The following PITPNM3 variants were observed in gnomAD, a reference collection of about 807,000 sequenced individuals.
PITPNM3 encodes the protein membrane-associated phosphatidylinositol transfer protein 3.
A neutral mutation model predicts 102.0 loss-of-function variants in PITPNM3; 26 were observed. The observed-to-expected ratio is 0.25, with a 90% CI of 0.19 to 0.35. The LOEUF is 0.35. PITPNM3 is among the 10% of genes least tolerant of loss of function. The probability of loss-of-function intolerance (pLI) is 1.00; values close to 1 mark genes in which losing one functional copy is unlikely to be tolerated. For synonymous variants in PITPNM3, 578 were observed against 558.6 expected (o/e 1.03, Z -0.49); for missense variants, 1,083 against 1,346.1 (o/e 0.80, Z 3.06).
rs1319010046 is a variant in PITPNM3, at chr17:6,455,181, G to A, written c.*157C>T. 4.5e-5 allele frequency: 45 copies of A among 998,078 alleles called. No individual in the cohort carries two copies. Among genetic ancestry groups the A allele is most frequent in the Non-Finnish European group, 5.3e-5 (38 of 718,402 alleles). The allele number at this position is 998,078 out of a possible 1,614,324, so 61.8% of individuals were successfully genotyped here. A position where few individuals can be genotyped will look rare whatever the true frequency, so the allele number is the denominator to read the frequency against. The stretch of plus-strand genomic sequence containing the variant: ...GCAGCTCAGGGAGCCCCCCGGGCTC[G>A]GGCAGGATCCCTCCCCGCTCTGGTC... On this transcript the variant is annotated 3_prime_UTR_variant, in exon 20 of 20. Coordinates refer to ENST00000262483, the MANE Select transcript of PITPNM3 (RefSeq NM_031220.4).
chr17:6,508,642 G>A (rs886946427), intron 3 of PITPNM3, among the ~76,000 whole-genome samples: 1 of 152,174 alleles, frequency 6.6e-6, no homozygotes, highest in African/African-American at 2.4e-5. Context: ...GGTGCAGAGA[G>A]GATGCGTCCA....
rs76237639 is a variant in PITPNM3 at position 6,554,489 on chromosome 17, C to T, written c.22+1896G>A. Among the ~76,000 whole-genome samples the T allele has an allele frequency of 8.8e-3, 1,337 of 152,112 alleles. 21 individuals are homozygous for T. The highest frequency in any genetic ancestry group is 0.03 in the African/African-American group (1,258 of 41,480). ...CAGACACGGGGAATCTGTGTTGCCT[C>T]GAGGGAAAGGGCCAAGCGTGAAATT... On this transcript the variant is annotated intron_variant, in intron 1 of 19. Transcript: ENST00000262483.
At chr17:6,519,693 G>A (rs1908400788) in intron 3 of PITPNM3, among the ~76,000 whole-genome samples, 1 of 151,994 alleles carries the variant, frequency 6.6e-6, no homozygotes, top group South Asian at 2.1e-4. Context: ...AGCCAGGCAT[G>A]GTGGCGGGCG....
In PITPNM3 at chr17:6,463,624, G is replaced by C. The variant is rs112452210; in HGVS notation, c.2306+108C>G. The C allele has an allele frequency of 1.2e-3, 1,705 of 1,461,592 alleles. 18 individuals carry two copies. The African/African-American group carries it at 0.021, about 18-fold the overall frequency. 90.5% of individuals were successfully genotyped at this position (1,461,592 alleles called of 1,614,324 possible). On this transcript the variant is annotated intron_variant, in intron 17 of 19. Coordinates refer to ENST00000262483, the MANE Select transcript of PITPNM3 (RefSeq NM_031220.4). The stretch of plus-strand genomic sequence containing the variant: ...CAGGGCTTCTCAGCTCGCAGCCCCA[G>C]AGACCGGTAGAATTCCTACAGCAAA...
chr17:6,499,419 C>T (rs891652516), intron 4 of PITPNM3, among the ~76,000 whole-genome samples: 5 of 152,240 alleles, frequency 3.3e-5, no homozygotes, highest in Non-Finnish European at 7.3e-5. Context: ...CTGGCTGGCT[C>T]ATGTCCTCCT....
At chr17:6,496,046 C>T (rs1393730342) in intron 4 of PITPNM3, among the ~76,000 whole-genome samples, 1 of 152,162 alleles carries the variant, frequency 6.6e-6, no homozygotes, top group Non-Finnish European at 1.5e-5. Context: ...GTAAGGTGGT[C>T]TCTGCTGAAG....
chr17:6,459,670 C>G lies in PITPNM3; in HGVS notation c.2490+1703G>C, dbSNP rs1241389572. ...CATTCTACCAACATTTATGGAGTCC[C>G]TACCATGTGGCATCATCACCCCCAA... On this transcript the variant is annotated intron_variant, in intron 18 of 19. Coordinates refer to ENST00000262483, the MANE Select transcript of PITPNM3 (RefSeq NM_031220.4). This position sits in a 1 kb window ranked among gnomAD's most constrained non-coding sequence, Gnocchi z 5.0. Among the ~76,000 whole-genome samples, 1 of 152,176 alleles carries G rather than the reference C, an allele frequency of 6.6e-6. No homozygotes were observed. Among genetic ancestry groups the G allele is most frequent in the East Asian group, 1.9e-4 (1 of 5,190 alleles).
Position 6,463,879 on chromosome 17 carries a change from C to A in PITPNM3, c.2159G>T (p.Gly720Val), listed in dbSNP as rs1245484778. 11 of 1,613,834 alleles carry A rather than the reference C, an allele frequency of 6.8e-6. No individual in the cohort carries two copies. The highest frequency in any genetic ancestry group is 1.7e-5 in the Admixed American group (1 of 59,996). Reference sequence around the variant, plus strand: ...GTAGCTCATGGCACAGGTCTGGTCGCCCCTGAAAGAAACCTGCCTGTGGTC... The same window carrying A: ...GTAGCTCATGGCACAGGTCTGGTCGACCCTGAAAGAAACCTGCCTGTGGTC... ...GVYPVKMVVR[G>V]DQTCAMSYLT... The change falls in exon 17 of 20, where the codon GGC becomes GTC. Residue 720 changes from glycine (G) to valine (V), a missense_variant and splice_region_variant. Gly to Val is a moderately radical substitution (Grantham distance 109). Coordinates refer to ENST00000262483, the MANE Select transcript of PITPNM3 (RefSeq NM_031220.4).
At chr17:6,530,741 C>T (rs1350453322) in intron 2 of PITPNM3, among the ~76,000 whole-genome samples, 1 of 152,182 alleles carries the variant, frequency 6.6e-6, no homozygotes, top group Non-Finnish European at 1.5e-5. Flanking sequence ...GCATTTTTGT[C>T]TCTGCAACTG....
rs377693849 is a variant in PITPNM3 at position 6,494,064 on chromosome 17, G to A, written c.274+9463C>T. Among the ~76,000 whole-genome samples the A allele has an allele frequency of 2.2e-4, 34 of 152,348 alleles. 1 individual carries two copies. The highest frequency in any genetic ancestry group is 8.2e-4 in the African/African-American group (34 of 41,582). ...AACACAGCCCTAAGACTGGTCCTGA[G>A]TTTCTAGTCCTCATCCGGTGTCTCA... On this transcript the variant is annotated intron_variant, in intron 4 of 19. Coordinates refer to ENST00000262483, the MANE Select transcript of PITPNM3 (RefSeq NM_031220.4).
At chr17:6,471,438 G>A in intron 11 of PITPNM3, 83 bp from the exon 12 acceptor site, 1 of 1,326,806 alleles carries the variant, frequency 7.5e-7, no homozygotes, top group Admixed American at 2.5e-5. Flanking sequence ...TGCTGGGAGG[G>A]AGGCTGGGCA....
intron 2 of PITPNM3, among the ~76,000 whole-genome samples, chr17:6,533,964 C>A (rs1161144782): frequency 6.6e-6 from 1 of 152,182 alleles, no homozygotes; most frequent in African/African-American, 2.4e-5. Context: ...TCCCGCTCTG[C>A]CTCTTTGTGT....
intron 2 of PITPNM3, among the ~76,000 whole-genome samples, chr17:6,527,565 A>G (rs551128242): frequency 2.0e-5 from 3 of 152,106 alleles, no homozygotes; most frequent in Non-Finnish European, 2.9e-5. Flanking sequence ...GTTGGCCCCT[A>G]TGACATTCTA....
In PITPNM3 at chr17:6,543,196, C is replaced by G. The variant is rs183433402; in HGVS notation, c.23-5114G>C. ...GCTGGAAGCCATCCCCACTCCCTCT[C>G]CTGGCCCCGATACCCACCACCTCAG... On this transcript the variant is annotated intron_variant, in intron 1 of 19. Coordinates refer to ENST00000262483, the MANE Select transcript of PITPNM3 (RefSeq NM_031220.4). Among the ~76,000 whole-genome samples, 1,035 of 152,324 alleles carry G rather than the reference C, an allele frequency of 6.8e-3. 4 individuals are homozygous for G. Among genetic ancestry groups the G allele is most frequent in the Non-Finnish European group, 9.7e-3 (659 of 68,026 alleles).
Position 6,455,005 on chromosome 17 carries a change from G to A in PITPNM3, c.*333C>T. 1 of 345,208 alleles carries A rather than the reference G, an allele frequency of 2.9e-6. No homozygotes were observed. Among genetic ancestry groups the A allele is most frequent in the East Asian group, 5.4e-5 (1 of 18,396 alleles). 21.4% of individuals were successfully genotyped at this position (345,208 alleles called of 1,614,324 possible). Reference sequence around the variant, plus strand: ...CTAGCTCGCTGTGAAGCCTGGGGACGCAGGAGGGTGGTCGACTTTGCCCAA... The same window carrying A: ...CTAGCTCGCTGTGAAGCCTGGGGACACAGGAGGGTGGTCGACTTTGCCCAA... On this transcript the variant is annotated 3_prime_UTR_variant, in exon 20 of 20. Transcript: ENST00000262483.
intron 4 of PITPNM3, among the ~76,000 whole-genome samples, chr17:6,489,187 C>T (rs922535207): frequency 6.6e-6 from 1 of 152,226 alleles, no homozygotes; most frequent in African/African-American, 2.4e-5. Flanking sequence ...CCAAGCAAAG[C>T]ATCACCCCAG....
intron 14 of PITPNM3, among the ~76,000 whole-genome samples, chr17:6,465,992 C>A (rs1337456573): frequency 1.3e-5 from 2 of 152,226 alleles, no homozygotes; most frequent in Non-Finnish European, 2.9e-5. Flanking sequence ...TAACACCCTC[C>A]CGGGCTCCCC....
At chr17:6,477,355 G>T in intron 8 of PITPNM3, 142 bp from the exon 9 acceptor site, 2 of 882,944 alleles carry the variant, frequency 2.3e-6, no homozygotes, top group Non-Finnish European at 3.6e-6. Flanking sequence ...GACACAGGAA[G>T]CCACATTGCA....
intron 4 of PITPNM3, among the ~76,000 whole-genome samples, chr17:6,497,490 G>C (rs1030983311): frequency 2.0e-5 from 3 of 152,236 alleles, no homozygotes; most frequent in Non-Finnish European, 2.9e-5. Context: ...GTGGCTAGGA[G>C]AGAGGCTCAG....
Sources: gnomAD v4.1 joint callset for allele counts (sites outside exome capture counted in the v4.1 genomes callset) on GRCh38, gnomAD v4.1.1 for gene constraint, Gnocchi (gnomAD v3.1) non-coding constraint, MANE v1.5 for transcripts, NCBI Gene and HGNC (gene_info 2026-07-23, HGNC 2026-07-21) for gene names.